The following MAGI2 variants were observed in gnomAD, a reference collection of about 807,000 sequenced individuals.
MAGI2 encodes membrane-associated guanylate kinase, WW and PDZ domain-containing protein 2.
In MAGI2, 35 loss-of-function variants were observed where a neutral mutation model predicts 133.3. The observed-to-expected ratio is 0.26, with a 90% CI of 0.20 to 0.35. The LOEUF is 0.35. MAGI2 is among the 10% of genes least tolerant of loss of function. The pLI is 1.00. For synonymous variants in MAGI2, 729 were observed against 710.6 expected, an observed-to-expected ratio of 1.03 and a Z score of -0.41; for missense variants, 1,636 against 1,863.4, an observed-to-expected ratio of 0.88 and a Z score of 2.25.
intron 1 of MAGI2, among the ~76,000 whole-genome samples, chr7:79,132,773 T>C (rs1341673747): frequency 2.6e-5 from 4 of 152,148 alleles, no homozygotes; most frequent in Non-Finnish European, 4.4e-5. Flanking sequence ...ACCAACAGTG[T>C]ATAAGCATTC....
intron 1 of MAGI2, among the ~76,000 whole-genome samples, chr7:79,199,708 A>G (rs1828419546): frequency 6.6e-6 from 1 of 152,034 alleles, no homozygotes; most frequent in South Asian, 2.1e-4. Flanking sequence ...TCTGAATATC[A>G]TAATGTCTAG....
chr7:78,257,778 G>A (rs530433219), intron 9 of MAGI2, among the ~76,000 whole-genome samples: 1 of 152,206 alleles, frequency 6.6e-6, no homozygotes, highest in East Asian at 1.9e-4. Flanking sequence ...ATGCTGAGGA[G>A]TATATTAGGG....
chr7:78,744,847 C>G (rs928315258), intron 2 of MAGI2, among the ~76,000 whole-genome samples: 1 of 152,138 alleles, frequency 6.6e-6, no homozygotes, highest in East Asian at 1.9e-4. Context: ...CATAGTGCTT[C>G]CGGATAGGAA....
chr7:78,948,431 A>G (rs1377743210), intron 2 of MAGI2, among the ~76,000 whole-genome samples: 1 of 151,802 alleles, frequency 6.6e-6, no homozygotes, highest in Non-Finnish European at 1.5e-5. Flanking sequence ...GAATTTTTAT[A>G]CTCTGATATG....
chr7:79,425,790 T>G (rs10256084), intron 1 of MAGI2, among the ~76,000 whole-genome samples: 32,151 of 150,730 alleles, frequency 0.21, 5,114 homozygotes, highest in African/African-American at 0.45. Flanking sequence ...GGTTGGGGGA[T>G]GGAGGAAAAG....
chr7:78,342,624 C>T (rs1790508187), intron 9 of MAGI2, among the ~76,000 whole-genome samples: 1 of 152,176 alleles, frequency 6.6e-6, no homozygotes, highest in Admixed American at 6.5e-5. Flanking sequence ...GAATACTATG[C>T]AGCCATAAAA....
At chr7:79,345,052 T>C (rs996612171) in intron 1 of MAGI2, among the ~76,000 whole-genome samples, 12 of 152,110 alleles carry the variant, frequency 7.9e-5, no homozygotes, top group African/African-American at 2.7e-4. Context: ...CATATTGTTA[T>C]GGGTTGAATT....
intron 20 of MAGI2, among the ~76,000 whole-genome samples, chr7:78,080,960 C>T (rs1044533234): frequency 6.6e-6 from 1 of 152,234 alleles, no homozygotes; most frequent in African/African-American, 2.4e-5. Context: ...CTGTCCCTCT[C>T]CCGCCAACCT....
At chr7:79,120,497 C>T (rs1285565905) in intron 1 of MAGI2, among the ~76,000 whole-genome samples, 1 of 152,020 alleles carries the variant, frequency 6.6e-6, no homozygotes, top group African/African-American at 2.4e-5. Flanking sequence ...TTTACATATA[C>T]ACACACATAA....
At position 78,603,251 on chromosome 7, in the gene MAGI2, G is replaced by A. The variant is rs552949036; in HGVS notation, c.538+23869C>T. On this transcript the variant is annotated intron_variant, in intron 3 of 21. Coordinates refer to ENST00000354212, the MANE Select transcript of MAGI2 (RefSeq NM_012301.4). ...AGGCAAAATAAACATTAATTTTCTT[G>A]TACATAATTAGCTTACATGTTTCTC... Among the ~76,000 whole-genome samples, 100 of 152,270 alleles carry A rather than the reference G, an allele frequency of 6.6e-4. 3 individuals carry two copies. The South Asian group carries it at 0.014, about 21-fold the overall frequency.
chr7:78,997,835 CTT>C (rs1289303610), intron 2 of MAGI2, among the ~76,000 whole-genome samples: 3 of 152,082 alleles, frequency 2.0e-5, no homozygotes, highest in Admixed American at 1.3e-4. Context: ...ATAAGTGACA[CTT>C]ATTAAAATTC....
chr7:79,356,678 C>T (rs1842038714), intron 1 of MAGI2, among the ~76,000 whole-genome samples: 1 of 152,066 alleles, frequency 6.6e-6, no homozygotes. Flanking sequence ...ATAATACTGG[C>T]ATTCATAGAA....
intron 3 of MAGI2, among the ~76,000 whole-genome samples, chr7:78,566,658 T>A (rs916566936): frequency 6.6e-6 from 1 of 152,068 alleles, no homozygotes; most frequent in African/African-American, 2.4e-5. Context: ...AATCTATCAA[T>A]ATATAATACC....
intron 2 of MAGI2, among the ~76,000 whole-genome samples, chr7:78,926,695 G>A (rs1799718801): frequency 6.6e-6 from 1 of 151,934 alleles, no homozygotes; most frequent in African/African-American, 2.4e-5. Flanking sequence ...ACATAAAGAA[G>A]AAAATAAACT....
At chr7:79,023,530 A>G (rs9649366) in intron 1 of MAGI2, among the ~76,000 whole-genome samples, 4,161 of 152,254 alleles carry the variant, frequency 0.027, 87 homozygotes, top group Middle Eastern at 0.048. Flanking sequence ...AAATAGAAAG[A>G]GAGGAAACCA....
At chr7:78,582,791 C>T (rs1489143629) in intron 3 of MAGI2, among the ~76,000 whole-genome samples, 1 of 151,838 alleles carries the variant, frequency 6.6e-6, no homozygotes, top group Non-Finnish European at 1.5e-5. Context: ...GGACCAGTTA[C>T]ATTGTTTGGT....
intron 1 of MAGI2, among the ~76,000 whole-genome samples, chr7:79,095,988 T>G (rs773280015): frequency 2.0e-5 from 3 of 152,018 alleles, no homozygotes; most frequent in African/African-American, 4.8e-5. Flanking sequence ...GATTGTACCT[T>G]TTCAGGATGT....
intron 2 of MAGI2, among the ~76,000 whole-genome samples, chr7:78,989,415 T>C (rs1341004067): frequency 6.6e-6 from 1 of 152,030 alleles, no homozygotes; most frequent in Admixed American, 6.6e-5. Flanking sequence ...TTTTGAAACA[T>C]TTTATTCTAC....
chr7:78,390,235 GT>G (rs1184372797), intron 6 of MAGI2, among the ~76,000 whole-genome samples: 2 of 152,056 alleles, frequency 1.3e-5, no homozygotes, highest in Admixed American at 6.6e-5. Context: ...CCAATATCAT[GT>G]TTTCAGGAAA....
Sources: gnomAD v4.1 joint callset for allele counts (sites outside exome capture counted in the v4.1 genomes callset) on GRCh38, gnomAD v4.1.1 for gene constraint, MANE v1.5 for transcripts, NCBI Gene and HGNC (gene_info 2026-07-23, HGNC 2026-07-21) for gene names.